The following ITGB3BP variants were observed in gnomAD, a reference collection of about 807,000 sequenced individuals.
ITGB3BP encodes the protein integrin subunit beta 3 binding protein, also known as centromere protein R.
In ITGB3BP, 27 loss-of-function variants were observed where a neutral mutation model predicts 29.1. The observed-to-expected ratio is 0.93, with a 90% confidence interval of 0.68 to 1.28. The LOEUF (loss-of-function observed/expected upper bound fraction) is 1.28. Among genes scored for constraint, ITGB3BP ranks in the 50% most tolerant of loss-of-function variants. The pLI is 0.00. For synonymous variants in ITGB3BP, 61 were observed against 61.4 expected, an observed-to-expected ratio of 0.99 and a Z score of 0.03; for missense variants, 192 against 200.2, an observed-to-expected ratio of 0.96 and a Z score of 0.25.
chr1:63,517,005 A>G (rs567908946), intron 1 of ITGB3BP, among the ~76,000 whole-genome samples: 16 of 152,272 alleles, frequency 1.1e-4, no homozygotes, highest in Admixed American at 4.6e-4. Context: ...AAATAAAAAC[A>G]AATAAGTTAG....
At chr1:63,513,114 T>C (rs1350872424) in intron 1 of ITGB3BP, among the ~76,000 whole-genome samples, 1 of 152,208 alleles carries the variant, frequency 6.6e-6, no homozygotes, top group Admixed American at 6.5e-5. Flanking sequence ...ATCAGTGATA[T>C]AAATTTTGAC....
At chr1:63,463,464 T>C (rs1557616655) in intron 4 of ITGB3BP, among the ~76,000 whole-genome samples, 1 of 152,188 alleles carries the variant, frequency 6.6e-6, no homozygotes, top group South Asian at 2.1e-4. Flanking sequence ...GGTTGTGATA[T>C]TGTACTACAG....
chr1:63,486,711 C>A (rs1645537819), intron 3 of ITGB3BP, among the ~76,000 whole-genome samples: 1 of 152,000 alleles, frequency 6.6e-6, no homozygotes, highest in Admixed American at 6.6e-5. Flanking sequence ...GGGAGCACTT[C>A]CAGCATCACT....
intron 2 of ITGB3BP, among the ~76,000 whole-genome samples, chr1:63,498,558 T>C (rs1645846540): frequency 6.6e-6 from 1 of 151,848 alleles, no homozygotes; most frequent in Admixed American, 6.6e-5. Context: ...GTAGTGAAAG[T>C]GGTACTCAGA....
chr1:63,446,091 G>T (rs1644787633), intron 8 of ITGB3BP, among the ~76,000 whole-genome samples: 1 of 151,992 alleles, frequency 6.6e-6, no homozygotes, highest in African/African-American at 2.4e-5. Context: ...TAGAGACGGG[G>T]TTTCACCATG....
intron 8 of ITGB3BP, among the ~76,000 whole-genome samples, chr1:63,445,744 G>A (rs1023024835): frequency 3.3e-5 from 5 of 151,460 alleles, no homozygotes; most frequent in South Asian, 2.1e-4. Context: ...ACAGACATGC[G>A]CCACCATACC....
intron 7 of ITGB3BP, chr1:63,453,689 T>A: frequency 5.8e-6 from 2 of 345,840 alleles, no homozygotes; most frequent in Non-Finnish European, 1.0e-5. Context: ...CAAAAGACAT[T>A]TAAAAAGTTC....
At chr1:63,462,843 C>T (rs960788025) in intron 4 of ITGB3BP, among the ~76,000 whole-genome samples, 1 of 152,184 alleles carries the variant, frequency 6.6e-6, no homozygotes, top group African/African-American at 2.4e-5. Context: ...AAAACCAGTT[C>T]TGGCATAACT....
rs750565640 is a variant in ITGB3BP, at chr1:63,509,050, T to C, written c.6-480A>G. 3.3e-5 allele frequency among the ~76,000 whole-genome samples: 5 copies of C among 152,198 alleles called. No individual in the cohort carries two copies. The East Asian group carries it at 9.6e-4, about 29-fold the overall frequency. On this transcript the variant is annotated intron_variant, in intron 1 of 8. Coordinates refer to ENST00000271002, the MANE Select transcript of ITGB3BP (RefSeq NM_014288.5). ...AAAGTTTTGCACATTATTCTAGCTTTAAACATGATTCAGTGCAACCAGACT... is the reference window on the plus strand; with the variant it reads ...AAAGTTTTGCACATTATTCTAGCTTCAAACATGATTCAGTGCAACCAGACT...
At chr1:63,514,277 G>A (rs1352353837) in intron 1 of ITGB3BP, among the ~76,000 whole-genome samples, 5 of 152,056 alleles carry the variant, frequency 3.3e-5, no homozygotes, top group Non-Finnish European at 7.4e-5. Context: ...TGGACACTTG[G>A]TTTTAGTTTT....
At chr1:63,514,878 G>A (rs572067333) in intron 1 of ITGB3BP, among the ~76,000 whole-genome samples, 11 of 148,854 alleles carry the variant, frequency 7.4e-5, no homozygotes, top group South Asian at 4.2e-4. Flanking sequence ...CCCAGGAGAC[G>A]GAGGTTGCAG....
At chr1:63,461,021 C>CTT (rs1645007827) in intron 4 of ITGB3BP, among the ~76,000 whole-genome samples, 1 of 147,630 alleles carries the variant, frequency 6.8e-6, no homozygotes. Flanking sequence ...GGGCAGATCA[C>CTT]GAGGTTAGGA....
chr1:63,506,025 T>C lies in ITGB3BP; in HGVS notation c.48+2503A>G, dbSNP rs567428435. On this transcript the variant is annotated intron_variant, in intron 2 of 8. Transcript: ENST00000271002. ...GGTGGAGAGTTCTGTAGATGTCTAT[T>C]AGGTCCGCCTGGTGCAGAACTGAGT... is the stretch of plus-strand genomic sequence containing the variant. Among the ~76,000 whole-genome samples, 63 of 152,360 alleles carry C rather than the reference T, an allele frequency of 4.1e-4. 1 individual carries two copies. The South Asian group carries it at 0.013, about 31-fold the overall frequency.
At chr1:63,512,692 G>A (rs76831536) in intron 1 of ITGB3BP, among the ~76,000 whole-genome samples, 178 of 152,174 alleles carry the variant, frequency 1.2e-3, no homozygotes, top group African/African-American at 4.2e-3. Context: ...GGCCTGTAAA[G>A]TAGTAAGAAA....
intron 4 of ITGB3BP, among the ~76,000 whole-genome samples, chr1:63,473,325 C>T (rs1313134939): frequency 6.6e-6 from 1 of 151,776 alleles, no homozygotes; most frequent in African/African-American, 2.4e-5. Flanking sequence ...CCGGCAGCCA[C>T]CCCGTCCGGG....
intron 4 of ITGB3BP, among the ~76,000 whole-genome samples, chr1:63,476,563 G>A (rs1172004192): frequency 1.3e-5 from 2 of 152,156 alleles, no homozygotes; most frequent in African/African-American, 4.8e-5. Context: ...CTTGCTCCTT[G>A]AAGCCCACTG....
Position 63,519,211 on chromosome 1 carries a change from C to G in ITGB3BP, c.5+3918G>C, listed in dbSNP as rs1646397880. 2.6e-5 allele frequency among the ~76,000 whole-genome samples: 4 copies of G among 152,206 alleles called. No homozygotes were observed. In the South Asian group the frequency reaches 6.2e-4, roughly 24 times the overall value. On this transcript the variant is annotated intron_variant, in intron 1 of 8. Coordinates refer to ENST00000271002, the MANE Select transcript of ITGB3BP (RefSeq NM_014288.5). ...TTGAAAATGCATTTCACACATTTAA[C>G]CTACTGAACATCACAGCTTAAACAT...
At chr1:63,516,803 G>T (rs1170459393) in intron 1 of ITGB3BP, among the ~76,000 whole-genome samples, 1 of 151,670 alleles carries the variant, frequency 6.6e-6, no homozygotes, top group Non-Finnish European at 1.5e-5. Flanking sequence ...GGGTACATAT[G>T]AACATACAGA....
chr1:63,493,231 A>G (rs1184629951), intron 2 of ITGB3BP, among the ~76,000 whole-genome samples: 1 of 152,140 alleles, frequency 6.6e-6, no homozygotes, highest in Non-Finnish European at 1.5e-5. Flanking sequence ...CAGCCTGGCA[A>G]CATGGAGAAA....
Sources: gnomAD v4.1 joint callset for allele counts (sites outside exome capture counted in the v4.1 genomes callset) on GRCh38, gnomAD v4.1.1 for gene constraint, MANE v1.5 for transcripts, NCBI Gene and HGNC (gene_info 2026-07-23, HGNC 2026-07-21) for gene names.